Variants in PAAF1 observed in about 807,000 individuals in gnomAD.
PAAF1 encodes proteasomal ATPase associated factor 1, also known as proteasomal ATPase-associated factor 1.
A neutral mutation model predicts 52.8 loss-of-function variants in PAAF1; 46 were observed. The observed-to-expected ratio is 0.87, with a 90% confidence interval of 0.69 to 1.11. The LOEUF is 1.11. Ranked by LOEUF, PAAF1 falls within the 50% of genes most tolerant of loss-of-function variation. The pLI, the probability that PAAF1 is intolerant of heterozygous loss-of-function variation, is 0.00. For synonymous variants in PAAF1, 178 were observed against 172.8 expected (o/e 1.03, Z -0.24); for missense variants, 424 against 477.4 (o/e 0.89, Z 1.04).
intron 6 of PAAF1, among the ~76,000 whole-genome samples, chr11:73,903,107 A>G (rs1258700591): frequency 2.0e-5 from 3 of 152,226 alleles, no homozygotes; most frequent in Admixed American, 2.0e-4. Flanking sequence ...AGAGTATAAC[A>G]GCCCTGACTT....
chr11:73,890,358 T>C (rs962789558), intron 3 of PAAF1, among the ~76,000 whole-genome samples: 2 of 152,172 alleles, frequency 1.3e-5, no homozygotes, highest in African/African-American at 4.8e-5. Context: ...GTCTCCTGAA[T>C]CTAACATCTG....
chr11:73,920,750 G>A (rs1172668646), intron 10 of PAAF1, among the ~76,000 whole-genome samples: 1 of 151,810 alleles, frequency 6.6e-6, no homozygotes, highest in African/African-American at 2.4e-5. Flanking sequence ...TACTCAGGAG[G>A]CTGAGGGAAG....
intron 4 of PAAF1, among the ~76,000 whole-genome samples, chr11:73,894,621 T>TA (rs1275852186): frequency 6.7e-6 from 1 of 149,942 alleles, no homozygotes; most frequent in African/African-American, 2.5e-5. Flanking sequence ...CCCTAAAACT[T>TA]AAAGTATAAT....
intron 7 of PAAF1, 28 bp from the exon 8 acceptor site, chr11:73,914,385 T>G: frequency 6.2e-7 from 1 of 1,606,022 alleles, no homozygotes; most frequent in Non-Finnish European, 8.5e-7. Flanking sequence ...AGCCTCACTG[T>G]TATTAACATA....
intron 8 of PAAF1, among the ~76,000 whole-genome samples, chr11:73,915,538 G>T (rs768284578): frequency 6.6e-6 from 1 of 152,192 alleles, no homozygotes; most frequent in Non-Finnish European, 1.5e-5. Flanking sequence ...AGCCTGGAAG[G>T]TCGAGGCTGC....
intron 2 of PAAF1, among the ~76,000 whole-genome samples, chr11:73,883,943 T>C (rs1179919810): frequency 6.6e-6 from 1 of 152,142 alleles, no homozygotes; most frequent in East Asian, 1.9e-4. Context: ...TTTTTGGCTA[T>C]TATGAAGGAA....
At chr11:73,923,470 G>T (rs932900870) in intron 10 of PAAF1, among the ~76,000 whole-genome samples, 1 of 152,140 alleles carries the variant, frequency 6.6e-6, no homozygotes, top group Non-Finnish European at 1.5e-5. Flanking sequence ...GGTGATTTTT[G>T]TACCTCTGCT....
chr11:73,877,525 A>T (rs1792199), intron 1 of PAAF1, among the ~76,000 whole-genome samples: 1 of 151,940 alleles, frequency 6.6e-6, no homozygotes, highest in African/African-American at 2.4e-5. Flanking sequence ...TCCAGGCCCC[A>T]TACTGGATGC....
At position 73,927,530 on chromosome 11, in the gene PAAF1, C is replaced by T. The variant is rs1950396392; in HGVS notation, c.*168C>T. 1.6e-6 allele frequency: 1 copy of T among 635,930 alleles called. No homozygotes were observed. Among genetic ancestry groups the T allele is most frequent in the South Asian group, 1.9e-5 (1 of 52,944 alleles). 39.4% of individuals were successfully genotyped at this position (635,930 alleles called of 1,614,324 possible). ...GCCGTGTGGAACTCTCATCCCAAGA[C>T]CTACTTTGAACTGAGTAAGAAGGTC... On this transcript the variant is annotated 3_prime_UTR_variant, in exon 12 of 12. Coordinates refer to ENST00000310571, the MANE Select transcript of PAAF1 (RefSeq NM_025155.3).
intron 4 of PAAF1, among the ~76,000 whole-genome samples, chr11:73,895,855 C>G (rs1409363753): frequency 6.6e-6 from 1 of 152,180 alleles, no homozygotes; most frequent in Non-Finnish European, 1.5e-5. Context: ...GCCTGTGATC[C>G]TAGCACTTTG....
At chr11:73,917,846 G>A (rs893850588) in intron 9 of PAAF1, among the ~76,000 whole-genome samples, 3 of 151,352 alleles carry the variant, frequency 2.0e-5, no homozygotes, top group African/African-American at 7.3e-5. Context: ...ACTCCAGCCT[G>A]GGCAACAGAG....
upstream of PAAF1, chr11:73,876,951 C>G (rs1948757070): frequency 1.4e-6 from 2 of 1,432,342 alleles, no homozygotes; most frequent in East Asian, 5.4e-5. Flanking sequence ...CCTCTGTCCT[C>G]GCCGCACGCT....
rs1225957018 is a variant in PAAF1, at chr11:73,877,000, G to A, written c.-22G>A. The A allele has an allele frequency of 1.3e-6, 2 of 1,525,044 alleles. No individual in the cohort carries two copies. Among genetic ancestry groups the A allele is most frequent in the South Asian group, 2.5e-5 (2 of 80,280 alleles). 94.5% of individuals were successfully genotyped at this position (1,525,044 alleles called of 1,614,324 possible). A position where few individuals can be genotyped will look rare whatever the true frequency, so the allele number is the denominator to read the frequency against. Reference sequence around the variant, plus strand: ...CTTCCGGGAAGGGGCGGAAGAGGTGGGCTGGTGGAGGCGGGGTCGAGATGG... The same window carrying A: ...CTTCCGGGAAGGGGCGGAAGAGGTGAGCTGGTGGAGGCGGGGTCGAGATGG... On this transcript the variant is annotated 5_prime_UTR_variant, in exon 1 of 12. Transcript: ENST00000310571.
intron 2 of PAAF1, among the ~76,000 whole-genome samples, chr11:73,883,718 G>A (rs962064861): frequency 1.3e-4 from 20 of 151,514 alleles, no homozygotes; most frequent in African/African-American, 4.4e-4. Flanking sequence ...ACGAGGTTTC[G>A]ACATGTTGGC....
chr11:73,899,408 CTT>C (rs71065053), intron 5 of PAAF1, among the ~76,000 whole-genome samples, 164 bp downstream of exon 5: 20 of 101,194 alleles, frequency 2.0e-4, no homozygotes, highest in African/African-American at 3.9e-4. Context: ...TTCTTTTTCT[CTT>C]TTTTTTTTTT....
At chr11:73,913,367 G>A (rs1949983121) in intron 7 of PAAF1, among the ~76,000 whole-genome samples, 1 of 152,132 alleles carries the variant, frequency 6.6e-6, no homozygotes, top group African/African-American at 2.4e-5. Context: ...GGCTGAGGTG[G>A]GCGAATTGCT....
Position 73,897,260 on chromosome 11 carries a change from G to A in PAAF1, c.283-1886G>A, listed in dbSNP as rs1175110274. Among the ~76,000 whole-genome samples the A allele has an allele frequency of 2.1e-3, 309 of 150,518 alleles. 3 individuals are homozygous for A. Among genetic ancestry groups the A allele is most frequent in the African/African-American group, 7.2e-3 (294 of 40,628 alleles). ...GACCCCCCCCACCTCCCTCCCGGACGGGGCGGCTGGCCGTGTGGGGGGCTG... is the reference window on the plus strand; with the variant it reads ...GACCCCCCCCACCTCCCTCCCGGACAGGGCGGCTGGCCGTGTGGGGGGCTG... On this transcript the variant is annotated intron_variant, in intron 4 of 11. Transcript: ENST00000310571.
At chr11:73,903,389 T>C (rs1949675352) in intron 6 of PAAF1, among the ~76,000 whole-genome samples, 2 of 152,182 alleles carry the variant, frequency 1.3e-5, no homozygotes, top group Admixed American at 1.3e-4. Context: ...TCCAACCAAA[T>C]GACTTCCAAG....
At chr11:73,884,254 C>G (rs1948998118) in intron 2 of PAAF1, among the ~76,000 whole-genome samples, 1 of 152,056 alleles carries the variant, frequency 6.6e-6, no homozygotes, top group Non-Finnish European at 1.5e-5. Context: ...AATCCAAGCA[C>G]TTTGGGAGGC....
Sources: allele counts gnomAD v4.1 joint callset (sites outside exome capture counted in the v4.1 genomes callset), GRCh38; gene constraint gnomAD v4.1.1; transcripts MANE v1.5; gene names NCBI Gene and HGNC (gene_info 2026-07-23, HGNC 2026-07-21).